Variants in BCKDHB observed in about 807,000 individuals in gnomAD.
BCKDHB encodes the protein branched chain keto acid dehydrogenase E1 subunit beta, also known as 2-oxoisovalerate dehydrogenase subunit beta, mitochondrial.
Under a neutral mutation model 48.5 loss-of-function variants are expected in BCKDHB, and 41 were observed. The observed-to-expected ratio is 0.85, with a 90% CI of 0.66 to 1.10. The LOEUF is 1.10. Ranked by LOEUF, BCKDHB falls within the 50% of genes least tolerant of loss-of-function variation. The pLI, the probability that BCKDHB is intolerant of heterozygous loss-of-function variation, is 0.00. For synonymous variants in BCKDHB, 201 were observed against 174.8 expected, an observed-to-expected ratio of 1.15 and a Z score of -1.18; for missense variants, 496 against 494.2, an observed-to-expected ratio of 1.00 and a Z score of -0.03.
At chr6:80,242,740 A>G (rs1189530291) in intron 8 of BCKDHB, among the ~76,000 whole-genome samples, 1 of 151,910 alleles carries the variant, frequency 6.6e-6, no homozygotes, top group African/African-American at 2.4e-5. Flanking sequence ...CATGGGGAGG[A>G]GTGTGGTGCT....
At chr6:80,411,031 G>T in the BCKDHB span, among the ~76,000 whole-genome samples, 1 of 152,138 alleles carries the variant, frequency 6.6e-6, no homozygotes, top group Non-Finnish European at 1.5e-5. Flanking sequence ...AGGTGCTCTG[G>T]TTTTTGGAAT....
chr6:80,420,276 C>T, the BCKDHB span, among the ~76,000 whole-genome samples: 3 of 152,196 alleles, frequency 2.0e-5, no homozygotes, highest in African/African-American at 7.2e-5. Flanking sequence ...AAAGTATTCA[C>T]CTCCTCCAGT....
At chr6:80,332,706 TAAA>T (rs201659861) in intron 9 of BCKDHB, among the ~76,000 whole-genome samples, 4 of 139,444 alleles carry the variant, frequency 2.9e-5, no homozygotes, top group African/African-American at 2.7e-5. Flanking sequence ...ACCCTTATAG[TAAA>T]AAAAAAAAAA....
intron 9 of BCKDHB, among the ~76,000 whole-genome samples, chr6:80,342,219 A>G (rs998375430): frequency 1.3e-5 from 2 of 152,130 alleles, no homozygotes; most frequent in Admixed American, 6.6e-5. Flanking sequence ...TCATGTAAAA[A>G]TTTTGCTCAA....
chr6:80,301,509 A>G (rs1767578034), intron 9 of BCKDHB, among the ~76,000 whole-genome samples: 1 of 152,118 alleles, frequency 6.6e-6, no homozygotes, highest in South Asian at 2.1e-4. Context: ...CAGACCAATA[A>G]CAAGTTAGGA....
At chr6:80,142,313 A>C (rs1214105137) in intron 3 of BCKDHB, among the ~76,000 whole-genome samples, 1 of 152,128 alleles carries the variant, frequency 6.6e-6, no homozygotes, top group East Asian at 1.9e-4. Flanking sequence ...TAAAAAGATG[A>C]ATTATGTTAA....
intron 8 of BCKDHB, among the ~76,000 whole-genome samples, chr6:80,242,993 G>T (rs1209129100): frequency 6.6e-6 from 1 of 152,098 alleles, no homozygotes; most frequent in Non-Finnish European, 1.5e-5. Context: ...TCGGGCAAAG[G>T]ATTCTATCTC....
intron 9 of BCKDHB, among the ~76,000 whole-genome samples, chr6:80,312,266 G>A (rs28839510): frequency 0.076 from 11,549 of 152,126 alleles, 619 homozygotes; most frequent in South Asian, 0.24. Context: ...TAATTTTTGG[G>A]CATTGATTCT....
At chr6:80,137,696 G>A (rs568426730) in intron 3 of BCKDHB, among the ~76,000 whole-genome samples, 4 of 152,138 alleles carry the variant, frequency 2.6e-5, no homozygotes, top group African/African-American at 7.2e-5. Flanking sequence ...TACCTTGGGG[G>A]GTACCACTAG....
At chr6:80,213,658 GTTTT>G (rs1321258948) in intron 8 of BCKDHB, among the ~76,000 whole-genome samples, 7 of 132,748 alleles carry the variant, frequency 5.3e-5, no homozygotes. Context: ...CTTGGGAAGT[GTTTT>G]TTTTTGTTTT....
At chr6:80,273,353 T>C in intron 9 of BCKDHB, 132 bp downstream of exon 9, 1 of 717,922 alleles carries the variant, frequency 1.4e-6, no homozygotes, top group Non-Finnish European at 2.3e-6. Flanking sequence ...TTTCATATAC[T>C]GTGATAAGTA....
chr6:80,251,218 C>T (rs1463725999), intron 8 of BCKDHB, among the ~76,000 whole-genome samples: 2 of 152,130 alleles, frequency 1.3e-5, no homozygotes, highest in African/African-American at 2.4e-5. Flanking sequence ...CCTCTATTAA[C>T]TAATTTGAGT....
At chr6:80,246,371 ATCC>A (rs1391202701) in intron 8 of BCKDHB, among the ~76,000 whole-genome samples, 6 of 152,122 alleles carry the variant, frequency 3.9e-5, no homozygotes, top group Admixed American at 3.9e-4. Context: ...TCTTCATGTT[ATCC>A]TGCATTGCTA....
At chr6:80,136,890 T>C (rs1053228012) in intron 3 of BCKDHB, among the ~76,000 whole-genome samples, 1 of 152,130 alleles carries the variant, frequency 6.6e-6, no homozygotes, top group African/African-American at 2.4e-5. Context: ...TATTAGGAAA[T>C]GCAAGTCAGT....
chr6:80,355,705 T>G, the BCKDHB span: 3 of 152,094 alleles, frequency 2.0e-5, no homozygotes, highest in Non-Finnish European at 4.4e-5. Flanking sequence ...TTTCCCTAAT[T>G]ATTTTGGGGA....
At chr6:80,410,425 T>C in the BCKDHB span, among the ~76,000 whole-genome samples, 1 of 152,206 alleles carries the variant, frequency 6.6e-6, no homozygotes, top group East Asian at 1.9e-4. Flanking sequence ...ATTATGTGTG[T>C]TCGAGTTGCT....
At chr6:80,422,028 A>T in the BCKDHB span, among the ~76,000 whole-genome samples, 545 of 152,338 alleles carry the variant, frequency 3.6e-3, 1 homozygote, top group Non-Finnish European at 6.0e-3. Flanking sequence ...TCTCCAGAGC[A>T]TGCCAGAGTT....
At chr6:80,437,267 A>G in the BCKDHB span, among the ~76,000 whole-genome samples, 2,446 of 152,332 alleles carry the variant, frequency 0.016, 76 homozygotes, top group African/African-American at 0.055. Flanking sequence ...AGATATCATT[A>G]CACTTTAACT....
chr6:80,406,785 A>T, the BCKDHB span, among the ~76,000 whole-genome samples: 1 of 151,950 alleles, frequency 6.6e-6, no homozygotes, highest in African/African-American at 2.4e-5. Context: ...GATTGCAAAA[A>T]TTTTCTCCCA....
Sources: gnomAD v4.1 joint callset for allele counts (sites outside exome capture counted in the v4.1 genomes callset) on GRCh38, gnomAD v4.1.1 for gene constraint, MANE v1.5 for transcripts, NCBI Gene and HGNC (gene_info 2026-07-23, HGNC 2026-07-21) for gene names.